Variants in LTBP2 observed in about 807,000 individuals in gnomAD.
LTBP2 encodes latent transforming growth factor beta binding protein 2, also known as latent-transforming growth factor beta-binding protein 2.
Under a neutral mutation model 210.6 loss-of-function variants are expected in LTBP2, and 103 were observed. That is an observed-to-expected ratio of 0.49 (90% CI 0.42 to 0.58). The LOEUF is 0.58. Ranked by LOEUF, LTBP2 falls within the 20% of genes least tolerant of loss-of-function variation. The pLI, the probability that LTBP2 is intolerant of heterozygous loss-of-function variation, is 0.00. For missense variants in LTBP2, 2,313 were observed against 2,494.5 expected, an observed-to-expected ratio of 0.93 and a Z score of 1.55; for synonymous variants, 1,007 against 1,015.0, an observed-to-expected ratio of 0.99 and a Z score of 0.15.
chr14:74,600,712 G>A (rs1369347118), intron 2 of LTBP2, among the ~76,000 whole-genome samples: 1 of 152,044 alleles, frequency 6.6e-6, no homozygotes, highest in Non-Finnish European at 1.5e-5. Flanking sequence ...ATCAGCCAAC[G>A]CTGCCTCCCA....
chr14:74,587,147 C>A lies in LTBP2; in HGVS notation c.566-1029G>T, dbSNP rs147017599. Among the ~76,000 whole-genome samples, 396 of 152,292 alleles carry A rather than the reference C, an allele frequency of 2.6e-3. 2 individuals are homozygous for A. The highest frequency in any genetic ancestry group is 9.1e-3 in the African/African-American group (377 of 41,570). ...GGGATATGGAGTCCGGCCCCTCCCC[C>A]ACCAGGACCTCCACTGGGGAACACA... On this transcript the variant is annotated intron_variant, in intron 2 of 35. Coordinates refer to ENST00000261978, the MANE Select transcript of LTBP2 (RefSeq NM_000428.3).
Position 74,498,865 on chromosome 14 carries a change from T to G in LTBP2, c.*2019A>C, listed in dbSNP as rs2086879808. 4.4e-6 allele frequency: 1 copy of G among 227,690 alleles called. No homozygotes were observed. The highest frequency in any genetic ancestry group is 8.7e-6 in the Non-Finnish European group (1 of 114,654). 14.1% of individuals were successfully genotyped at this position (227,690 alleles called of 1,614,324 possible). ...CCCCTTAATTTGTTTTGGATATCTT[T>G]CTTAAGGAATTTAGAGCCACCTTTT... On this transcript the variant is annotated 3_prime_UTR_variant, in exon 36 of 36. Coordinates refer to ENST00000261978, the MANE Select transcript of LTBP2 (RefSeq NM_000428.3).
rs1446691280 is a variant in LTBP2 at position 74,505,031 on chromosome 14, C to G, written c.4321G>C (p.Gly1441Arg). 1.2e-6 allele frequency: 2 copies of G among 1,614,210 alleles called. 1 individual carries two copies. The highest frequency in any genetic ancestry group is 3.3e-5 in the Admixed American group (2 of 60,030). Residue 1441 changes from glycine (G) to arginine (R), a missense_variant, in exon 29 of 36, where the codon GGC becomes CGC. Transcript: ENST00000261978. Reference sequence around the variant, plus strand: ...TCACAGGCATCTCCCCAGCTAGCGCCCTGGGTGCAGCAGCATTCAGCCTGT... The same window carrying G: ...TCACAGGCATCTCCCCAGCTAGCGCGCTGGGTGCAGCAGCATTCAGCCTGT... ...TTQAECCCTQ[G>R]ASWGDACDLC... is the part of the protein sequence containing the mutation.
intron 25 of LTBP2, 147 bp from the exon 26 acceptor site, chr14:74,507,457 C>T (rs1379342264): frequency 1.8e-5 from 20 of 1,121,426 alleles, no homozygotes; most frequent in Admixed American, 1.8e-4. Flanking sequence ...AAGGTCAGGA[C>T]GATTTCCCCT....
At position 74,611,763 on chromosome 14, in the gene LTBP2, G is replaced by T. The variant is rs750268589; in HGVS notation, c.182C>A (p.Pro61Gln). 3 of 1,608,516 alleles carry T rather than the reference G, an allele frequency of 1.9e-6. No homozygotes were observed. Residue 61 changes from proline to glutamine, a missense_variant, in exon 1 of 36, where the codon CCG (proline) becomes CAG (glutamine). Pro to Gln is a moderately conservative substitution (Grantham distance 76). This residue lies in a region of LTBP2 where 1,867 missense variants were observed against 1,976.9 expected (regional missense o/e 0.94). Coordinates refer to ENST00000261978, the MANE Select transcript of LTBP2 (RefSeq NM_000428.3). Reference protein sequence around the residue: ...NRLRRPGGSYPAAAAAKVYSL... With the variant: ...NRLRRPGGSYQAAAAAKVYSL... ...GTACACCTTGGCTGCAGCCGCTGCC[G>T]GGTAGCTGCCCCCAGGGCGCCGCAG...
intron 2 of LTBP2, among the ~76,000 whole-genome samples, chr14:74,596,638 C>A (rs2088369223): frequency 1.3e-5 from 2 of 152,156 alleles, no homozygotes; most frequent in Non-Finnish European, 2.9e-5. Flanking sequence ...TGTGACAGGG[C>A]CCTGGCCCAG....
chr14:74,598,928 T>A (rs2088407948), intron 2 of LTBP2, among the ~76,000 whole-genome samples: 1 of 152,220 alleles, frequency 6.6e-6, no homozygotes, highest in African/African-American at 2.4e-5. Context: ...TGGGCTCTGA[T>A]GAGTCTCAGA....
At chr14:74,603,738 G>T in intron 1 of LTBP2, 33 bp from the exon 2 acceptor site, 1 of 1,587,708 alleles carries the variant, frequency 6.3e-7, no homozygotes, top group Non-Finnish European at 8.7e-7. Flanking sequence ...TCAACACAAG[G>T]ATGCTCAGAG....
At chr14:74,574,013 C>T (rs1469602686) in intron 3 of LTBP2, among the ~76,000 whole-genome samples, 2 of 152,086 alleles carry the variant, frequency 1.3e-5, no homozygotes, top group Non-Finnish European at 2.9e-5. Context: ...CCGAGCTGTC[C>T]CCAGTATTAA....
At position 74,578,743 on chromosome 14, in the gene LTBP2, C is replaced by T. The variant is rs145201482; in HGVS notation, c.830+7111G>A. On this transcript the variant is annotated intron_variant, in intron 3 of 35. Coordinates refer to ENST00000261978, the MANE Select transcript of LTBP2 (RefSeq NM_000428.3). ...CCTTGTCCTGTGTCCTCCCTGACCC[C>T]AACCCCTTTGCTGCTGGCACTGGGG... 3.4e-3 allele frequency among the ~76,000 whole-genome samples: 525 copies of T among 152,348 alleles called. 1 individual carries two copies. Among genetic ancestry groups the T allele is most frequent in the Non-Finnish European group, 5.9e-3 (398 of 68,028 alleles).
chr14:74,509,718 G>T lies in LTBP2; in HGVS notation c.3277+16C>A. ...CTATATTCTGTCCCCTTCCACCACT[G>T]CCTCCCCAGGGTTACCTTCACAGGC... On this transcript the variant is annotated intron_variant, in intron 21 of 35. Coordinates refer to ENST00000261978, the MANE Select transcript of LTBP2 (RefSeq NM_000428.3). The T allele has an allele frequency of 6.2e-7, 1 of 1,613,942 alleles. No individual in the cohort carries two copies. The highest frequency in any genetic ancestry group is 8.5e-7 in the Non-Finnish European group (1 of 1,179,976).
intron 2 of LTBP2, among the ~76,000 whole-genome samples, chr14:74,596,525 G>A (rs1485517331): frequency 1.3e-5 from 2 of 152,230 alleles, no homozygotes; most frequent in South Asian, 4.1e-4. Flanking sequence ...TGCACTCAGG[G>A]AGCTGGGTGA....
intron 6 of LTBP2, 94 bp from the exon 7 acceptor site, chr14:74,551,444 G>A: frequency 8.0e-7 from 1 of 1,251,490 alleles, no homozygotes; most frequent in East Asian, 2.6e-5. Context: ...GGGCCAGGCA[G>A]GCCACTGGCT....
At chr14:74,540,370 G>A (rs966617042) in intron 8 of LTBP2, among the ~76,000 whole-genome samples, 8 of 152,102 alleles carry the variant, frequency 5.3e-5, no homozygotes, top group Admixed American at 6.5e-5. Flanking sequence ...CTACTCAGGA[G>A]GCTGAGGTGG....
At chr14:74,533,597 C>T (rs1403343311) in intron 9 of LTBP2, among the ~76,000 whole-genome samples, 1 of 152,200 alleles carries the variant, frequency 6.6e-6, no homozygotes, top group Non-Finnish European at 1.5e-5. Context: ...GCAGGGGTCA[C>T]AGTTAAGAGT....
At position 74,611,677 on chromosome 14, in the gene LTBP2, G is replaced by C; in HGVS notation, c.268C>G (p.Pro90Ala). ...GGCCTCCTGGGGCTCCCCCAGCCCG[G>C]CTGGGCCCGCTCCACGGGCTGCAAG... is the stretch of plus-strand genomic sequence containing the variant. ...AGLQPVERAQPGWGSPRRPTE... is the reference protein window; with the variant it reads ...AGLQPVERAQAGWGSPRRPTE... The change falls in exon 1 of 36, where the codon CCG (proline) becomes GCG (alanine). Residue 90 changes from proline (P) to alanine (A), a missense_variant. Transcript: ENST00000261978. The C allele has an allele frequency of 6.4e-7, 1 of 1,568,036 alleles. No homozygotes were observed. Among genetic ancestry groups the C allele is most frequent in the Non-Finnish European group, 8.6e-7 (1 of 1,163,414 alleles).
chr14:74,595,165 G>A (rs887813672), intron 2 of LTBP2, among the ~76,000 whole-genome samples: 7 of 152,274 alleles, frequency 4.6e-5, no homozygotes, highest in Non-Finnish European at 8.8e-5. Context: ...CTGGAGGGGA[G>A]GAAGGGGAGG....
At position 74,528,652 on chromosome 14, in the gene LTBP2, C is replaced by T. The variant is rs760438465; in HGVS notation, c.2199G>A (p.Ala733=). 2.5e-6 allele frequency: 4 copies of T among 1,613,260 alleles called. No individual in the cohort carries two copies. Among genetic ancestry groups the T allele is most frequent in the East Asian group, 2.2e-5 (1 of 44,882 alleles). The part of the protein sequence containing the change: ...ICPAGHGYTY[A]SSDIRLSMRK... ...TCATGGACAGGCGGATGTCGGAGCTCGCGTAGGTGTAGCCGTGGCCGGCAG... is the reference window on the plus strand; with the variant it reads ...TCATGGACAGGCGGATGTCGGAGCTTGCGTAGGTGTAGCCGTGGCCGGCAG... The change falls in exon 12 of 36, where the codon GCG becomes GCA. Residue 733 remains alanine, a synonymous_variant. Transcript: ENST00000261978.
rs777797706 is a variant in LTBP2, at chr14:74,507,264, C to T, written c.3822G>A (p.Trp1274Ter). 6.2e-7 allele frequency: 1 copy of T among 1,614,186 alleles called. No homozygotes were observed. The highest frequency in any genetic ancestry group is 8.5e-7 in the Non-Finnish European group (1 of 1,180,030). Residue 1274 changes from tryptophan to a stop codon, truncating the protein, a stop_gained, in exon 26 of 36, where the codon TGG becomes TGA. Coordinates refer to ENST00000261978, the MANE Select transcript of LTBP2 (RefSeq NM_000428.3). LOFTEE classifies it high-confidence loss of function. ...AGGAGCCAGGGCTGTTTTCACACTT[C>T]CAGGTGCCACACACCGGGTCTCCAT... ...EDYGDPVCGTWKCENSPGSYR... is the reference protein window; with the variant it reads ...EDYGDPVCGT
Sources: gnomAD v4.1 joint callset for allele counts (sites outside exome capture counted in the v4.1 genomes callset) on GRCh38, gnomAD v4.1.1 for gene constraint, gnomAD v4.1.1 regional missense constraint, MANE v1.5 for transcripts, NCBI Gene and HGNC (gene_info 2026-07-23, HGNC 2026-07-21) for gene names.